The following TF variants were observed in gnomAD, a reference collection of about 807,000 sequenced individuals.
TF encodes the protein serotransferrin.
TF carries 55 observed loss-of-function variants against 82.4 expected under a neutral mutation model. That is an observed-to-expected ratio of 0.67 (90% CI 0.54 to 0.84). TF has a LOEUF of 0.84. Among genes scored for constraint, TF ranks in the 40% least tolerant of loss-of-function variants. The pLI is 0.00. For synonymous variants in TF, 332 were observed against 332.6 expected (o/e 1.00, Z 0.02); for missense variants, 737 against 868.4 (o/e 0.85, Z 1.90).
At position 133,770,538 on chromosome 3, in the gene TF, T is replaced by C. The variant is rs1934234759; in HGVS notation, c.1653T>C (p.Phe551=). The change falls in exon 14 of 17, where the codon TTT becomes TTC. Residue 551 remains phenylalanine (F), a synonymous_variant. Transcript: ENST00000402696. The stretch of plus-strand genomic sequence containing the variant: ...TGGTTGAGAAGGGAGATGTGGCCTT[T>C]GTGAAACACCAGACTGTCCCACAGA... ...RCLVEKGDVA[F]VKHQTVPQNT... 1 of 1,614,202 alleles carries C rather than the reference T, an allele frequency of 6.2e-7. No homozygotes were observed. Among genetic ancestry groups the C allele is most frequent in the African/African-American group, 1.3e-5 (1 of 75,052 alleles).
rs1286285852 is a variant in TF, at chr3:133,793,595, G to C, written c.*14975G>C. On this transcript the variant is annotated 3_prime_UTR_variant, in exon 17 of 17. Coordinates refer to ENST00000402696, the MANE Select transcript of TF (RefSeq NM_001063.4). ...ATTTCTAAAATTCCAATATGTCTGA[G>C]TATATGCTATCAATCATAATTATGA... 1 of 152,070 alleles carries C rather than the reference G, an allele frequency of 6.6e-6. No individual in the cohort carries two copies. Among genetic ancestry groups the C allele is most frequent in the Non-Finnish European group, 1.5e-5 (1 of 68,006 alleles). 9.4% of individuals were successfully genotyped at this position (152,070 alleles called of 1,614,324 possible).
chr3:133,791,646 A>G lies in TF; in HGVS notation c.*13026A>G, dbSNP rs1424107860. On this transcript the variant is annotated 3_prime_UTR_variant, in exon 17 of 17. Coordinates refer to ENST00000402696, the MANE Select transcript of TF (RefSeq NM_001063.4). ...GTCATAAAGAGGGGTACCTTAGAAT[A>G]AAATGTGTGCTTAGGACCCCATAGA... 6.6e-6 allele frequency: 1 copy of G among 152,214 alleles called. No individual in the cohort carries two copies. Among genetic ancestry groups the G allele is most frequent in the Non-Finnish European group, 1.5e-5 (1 of 68,040 alleles). The allele number at this position is 152,214 out of a possible 1,614,324, so 9.4% of individuals were successfully genotyped here.
At chr3:133,727,127 T>C in the TF span, among the ~76,000 whole-genome samples, 1 of 152,216 alleles carries the variant, frequency 6.6e-6, no homozygotes, top group Non-Finnish European at 1.5e-5. Flanking sequence ...AAAATGTATA[T>C]TCTGTTGATT....
chr3:133,682,110 C>A, the TF span, among the ~76,000 whole-genome samples: 2 of 152,172 alleles, frequency 1.3e-5, no homozygotes, highest in African/African-American at 4.8e-5. Context: ...GGACCTCCAG[C>A]AAACTCCAAT....
chr3:133,776,407 G>A (rs1159741067), intron 15 of TF, among the ~76,000 whole-genome samples: 1 of 152,158 alleles, frequency 6.6e-6, no homozygotes, highest in Non-Finnish European at 1.5e-5. Flanking sequence ...TTTGGGCATA[G>A]CTGCCTGCTG....
chr3:133,675,850 G>A, the TF span, among the ~76,000 whole-genome samples: 1 of 152,256 alleles, frequency 6.6e-6, no homozygotes, highest in Non-Finnish European at 1.5e-5. Context: ...AGGCTTCAAG[G>A]TCAGAGTTGA....
At chr3:133,748,151 T>A (rs778907172) in intron 1 of TF, 2 of 533,502 alleles carry the variant, frequency 3.7e-6, no homozygotes, top group Non-Finnish European at 6.8e-6. Flanking sequence ...GATTGTCATC[T>A]CCAGCTGGGA....
upstream of TF, among the ~76,000 whole-genome samples, chr3:133,741,831 T>C (rs60594289): frequency 0.029 from 4,439 of 152,344 alleles, 218 homozygotes; most frequent in African/African-American, 0.1. Flanking sequence ...ATCTTTTGTG[T>C]AGAAATTTTG....
At chr3:133,674,837 GA>G in the TF span, among the ~76,000 whole-genome samples, 265 of 152,310 alleles carry the variant, frequency 1.7e-3, no homozygotes, top group South Asian at 5.4e-3. Context: ...GGTCCTCGCA[GA>G]AACCCCATTG....
the TF span, among the ~76,000 whole-genome samples, chr3:133,686,913 C>T: frequency 6.6e-6 from 1 of 152,198 alleles, no homozygotes; most frequent in African/African-American, 2.4e-5. Flanking sequence ...TATTGTGGCA[C>T]TATTCACAAT....
rs562852859 is a variant in TF at position 133,794,582 on chromosome 3, A to G, written c.*15962A>G. On this transcript the variant is annotated 3_prime_UTR_variant, in exon 17 of 17. Coordinates refer to ENST00000402696, the MANE Select transcript of TF (RefSeq NM_001063.4). ...TAGAAACTGAAGATTGTATCTTCTG[A>G]AAACATTGGATAAAGACTGTCCTTG... 17 of 152,348 alleles carry G rather than the reference A, an allele frequency of 1.1e-4. No homozygotes were observed. The highest frequency in any genetic ancestry group is 5.8e-4 in the East Asian group (3 of 5,184). The allele number at this position is 152,348 out of a possible 1,614,324, so 9.4% of individuals were successfully genotyped here.
At chr3:133,755,520 T>C (rs752866757) in intron 5 of TF, 25 bp downstream of exon 5, 3 of 1,613,702 alleles carry the variant, frequency 1.9e-6, no homozygotes, top group Non-Finnish European at 2.5e-6. Context: ...TGCTGCTCCA[T>C]GGTGGCCAAA....
chr3:133,680,724 T>A, the TF span, among the ~76,000 whole-genome samples: 1 of 152,180 alleles, frequency 6.6e-6, no homozygotes, highest in African/African-American at 2.4e-5. Flanking sequence ...GTCCCTTTCA[T>A]CACTGGCATG....
the TF span, among the ~76,000 whole-genome samples, chr3:133,664,292 TA>T: frequency 6.6e-6 from 1 of 152,148 alleles, no homozygotes; most frequent in Non-Finnish European, 1.5e-5. Flanking sequence ...TCAAGTACCT[TA>T]TATATAACCT....
At chr3:133,753,739 A>T in intron 3 of TF, 36 bp downstream of exon 3, 4 of 1,528,302 alleles carry the variant, frequency 2.6e-6, no homozygotes, top group Non-Finnish European at 3.6e-6. Flanking sequence ...AGGAGTTGTC[A>T]TCCTTATTCT....
the TF span, among the ~76,000 whole-genome samples, chr3:133,677,048 G>A: frequency 6.6e-6 from 1 of 152,212 alleles, no homozygotes; most frequent in African/African-American, 2.4e-5. Context: ...AAAGACCAAA[G>A]GGAAGGGGGC....
Position 133,784,737 on chromosome 3 carries a change from C to G in TF, c.*6117C>G, listed in dbSNP as rs1167624783. On this transcript the variant is annotated 3_prime_UTR_variant, in exon 17 of 17. Transcript: ENST00000402696. ...CCCCTACCTTCCATGGAAAAATTGC[C>G]TTCCGTGAAACCATTCCCTGGTGCC... is the stretch of plus-strand genomic sequence containing the variant. 1 of 152,154 alleles carries G rather than the reference C, an allele frequency of 6.6e-6. No individual in the cohort carries two copies. The highest frequency in any genetic ancestry group is 2.4e-5 in the African/African-American group (1 of 41,402). The allele number at this position is 152,154 out of a possible 1,614,324, so 9.4% of individuals were successfully genotyped here.
rs544625579 is a variant in TF at position 133,762,821 on chromosome 3, G to A, written c.1204-1361G>A. On this transcript the variant is annotated intron_variant, in intron 9 of 16. Transcript: ENST00000402696. Reference sequence around the variant, plus strand: ...ACACATTACCAGGCAGACTCTGAGCGAATGTGTGGAAGAAATGATTTTTCT... The same window carrying A: ...ACACATTACCAGGCAGACTCTGAGCAAATGTGTGGAAGAAATGATTTTTCT... Among the ~76,000 whole-genome samples the A allele has an allele frequency of 4.6e-5, 7 of 152,324 alleles. No individual in the cohort carries two copies. In the South Asian group the frequency reaches 1.4e-3, roughly 32 times the overall value.
At chr3:133,680,110 TC>T in the TF span, among the ~76,000 whole-genome samples, 1 of 152,210 alleles carries the variant, frequency 6.6e-6, no homozygotes, top group African/African-American at 2.4e-5. Context: ...CCATATATAG[TC>T]TTTTATGATG....
Sources: gnomAD v4.1 joint callset for allele counts (sites outside exome capture counted in the v4.1 genomes callset) on GRCh38, gnomAD v4.1.1 for gene constraint, MANE v1.5 for transcripts, NCBI Gene and HGNC (gene_info 2026-07-23, HGNC 2026-07-21) for gene names.